The following COL6A6 variants were observed in gnomAD, a reference collection of about 807,000 sequenced individuals.
COL6A6 encodes the protein collagen alpha-6(VI) chain.
COL6A6 carries 183 observed loss-of-function variants against 208.6 expected under a neutral mutation model. The observed-to-expected ratio is 0.88, with a 90% confidence interval of 0.78 to 0.99. COL6A6 has a LOEUF of 0.99. COL6A6 is among the 50% of genes least tolerant of loss of function. The pLI is 0.00. For missense variants in COL6A6, 2,816 were observed against 2,815.2 expected (o/e 1.00, Z -0.01); for synonymous variants, 973 against 1,011.8 (o/e 0.96, Z 0.73).
chr3:130,565,044 A>G lies in COL6A6; in HGVS notation c.712A>G (p.Ile238Val), dbSNP rs763331900. 21 of 1,613,874 alleles carry G rather than the reference A, an allele frequency of 1.3e-5. 1 individual carries two copies. The South Asian group carries it at 2.1e-4, about 16-fold the overall frequency. Residue 238 changes from isoleucine (I) to valine (V), a missense_variant, in exon 4 of 37, where the codon ATC (isoleucine) becomes GTC (valine). Transcript: ENST00000358511. ...TGTTGTGTTCCTATTGGATATGTCA[A>G]TCAATGGAAGTGAGGAGAACTTTGA... is the stretch of plus-strand genomic sequence containing the variant. ...ADVVFLLDMS[I>V]NGSEENFDYL...
At chr3:130,615,006 A>G (rs548828903) in intron 23 of COL6A6, among the ~76,000 whole-genome samples, 1 of 151,902 alleles carries the variant, frequency 6.6e-6, no homozygotes, top group African/African-American at 2.4e-5. Context: ...AGTTTCCTTC[A>G]GTTCAGCTCT....
At chr3:130,611,462 C>G (rs1012727838) in intron 23 of COL6A6, among the ~76,000 whole-genome samples, 2 of 152,308 alleles carry the variant, frequency 1.3e-5, no homozygotes, top group Middle Eastern at 3.4e-3. Flanking sequence ...AGCTGTTTGC[C>G]TGTCTCTCCT....
At chr3:130,619,822 G>A (rs954812489) in intron 23 of COL6A6, among the ~76,000 whole-genome samples, 2 of 152,130 alleles carry the variant, frequency 1.3e-5, no homozygotes, top group Non-Finnish European at 2.9e-5. Context: ...GGTCTCAATG[G>A]TAGTAAAGGG....
chr3:130,661,295 G>A (rs776648977), intron 34 of COL6A6, among the ~76,000 whole-genome samples: 4 of 152,198 alleles, frequency 2.6e-5, no homozygotes, highest in Non-Finnish European at 4.4e-5. Context: ...TCACTGTTAT[G>A]TTGTGATACA....
chr3:130,584,012 T>C (rs529606518), intron 10 of COL6A6, among the ~76,000 whole-genome samples: 108 of 152,202 alleles, frequency 7.1e-4, no homozygotes, highest in Non-Finnish European at 1.3e-3. Context: ...GTAAAACTTA[T>C]GCACATGGAA....
At chr3:130,528,252 A>G (rs2062006411) in intron 1 of COL6A6, among the ~76,000 whole-genome samples, 1 of 152,146 alleles carries the variant, frequency 6.6e-6, no homozygotes, top group African/African-American at 2.4e-5. Flanking sequence ...GTTGCCAGAG[A>G]GGGTGGCAGT....
Position 130,662,196 on chromosome 3 carries a change from G to C in COL6A6, c.6390G>C (p.Glu2130Asp). The change falls in exon 35 of 37, where the codon GAG (glutamate) becomes GAC (aspartate). Residue 2130 changes from glutamate (E) to aspartate (D), a missense_variant. Coordinates refer to ENST00000358511, the MANE Select transcript of COL6A6 (RefSeq NM_001102608.3). ...CTATTTGGGATGACAAGGAACTGGA[G>C]GATCTCGCCAGCCACCCTTTGGATC... ...LGPIWDDKEL[E>D]DLASHPLDHH... 6.2e-7 allele frequency: 1 copy of C among 1,613,964 alleles called. No individual in the cohort carries two copies.
chr3:130,655,293 G>C (rs2065758074), intron 33 of COL6A6, among the ~76,000 whole-genome samples: 1 of 152,140 alleles, frequency 6.6e-6, no homozygotes, highest in Non-Finnish European at 1.5e-5. Flanking sequence ...GAAGAGAATA[G>C]GTTCCAAGAT....
intron 33 of COL6A6, among the ~76,000 whole-genome samples, chr3:130,658,182 A>T (rs779794369): frequency 2.0e-5 from 3 of 152,170 alleles, no homozygotes; most frequent in Non-Finnish European, 2.9e-5. Flanking sequence ...GGTCTCTGAG[A>T]CTTAGGTAGG....
chr3:130,528,902 T>C (rs529591263), intron 1 of COL6A6, among the ~76,000 whole-genome samples: 1 of 152,296 alleles, frequency 6.6e-6, no homozygotes, highest in Non-Finnish European at 1.5e-5. Context: ...CCATCCTGGC[T>C]GACACGTTGC....
intron 36 of COL6A6, among the ~76,000 whole-genome samples, chr3:130,674,776 T>C (rs541812873): frequency 6.6e-6 from 1 of 152,236 alleles, no homozygotes; most frequent in South Asian, 2.1e-4. Context: ...CATAAGGAAG[T>C]TTACAGGTAA....
intron 8 of COL6A6, among the ~76,000 whole-genome samples, chr3:130,578,291 GA>G (rs1159153615): frequency 2.0e-5 from 3 of 152,000 alleles, no homozygotes; most frequent in Non-Finnish European, 4.4e-5. Context: ...AAAATATAAG[GA>G]AAAAAATAGA....
In COL6A6 at chr3:130,649,530, A is replaced by G; in HGVS notation, c.5701A>G (p.Ser1901Gly). 1.9e-6 allele frequency: 3 copies of G among 1,599,440 alleles called. No individual in the cohort carries two copies. The highest frequency in any genetic ancestry group is 2.6e-6 in the Non-Finnish European group (3 of 1,172,390). ...LEIIPVVITF[S>G]NVPSVRRAFA... is the part of the protein sequence containing the mutation. ...AATCATTCCCGTGGTGATCACTTTC[A>G]GCAACGTGCCCTCGGTCAGGCGCGC... Residue 1901 changes from serine to glycine, a missense_variant, in exon 33 of 37, where the codon AGC becomes GGC. By Grantham distance (56) the Ser-to-Gly change is moderately conservative (BLOSUM62 0). Coordinates refer to ENST00000358511, the MANE Select transcript of COL6A6 (RefSeq NM_001102608.3).
intron 20 of COL6A6, among the ~76,000 whole-genome samples, chr3:130,605,462 A>G (rs1268293634): frequency 6.6e-6 from 1 of 151,814 alleles, no homozygotes; most frequent in African/African-American, 2.4e-5. Context: ...GAAAATATCT[A>G]TTGCTATTTG....
Position 130,645,146 on chromosome 3 carries a change from G to A in COL6A6, c.5239+144G>A, listed in dbSNP as rs147631396. The A allele has an allele frequency of 7.1e-5, 55 of 770,354 alleles. No homozygotes were observed. In the East Asian group the frequency reaches 1.2e-3, roughly 16 times the overall value. 47.7% of individuals were successfully genotyped at this position (770,354 alleles called of 1,614,324 possible). ...TTGCTGCTGCCTCATACTGGTAGCAGAGTCTTGCCTCCAATAAATCACTCA... is the reference window on the plus strand; with the variant it reads ...TTGCTGCTGCCTCATACTGGTAGCAAAGTCTTGCCTCCAATAAATCACTCA... On this transcript the variant is annotated intron_variant, in intron 32 of 36. Coordinates refer to ENST00000358511, the MANE Select transcript of COL6A6 (RefSeq NM_001102608.3).
chr3:130,542,564 A>G (rs1312970074), intron 1 of COL6A6, among the ~76,000 whole-genome samples: 1 of 152,144 alleles, frequency 6.6e-6, no homozygotes, highest in Non-Finnish European at 1.5e-5. Flanking sequence ...TGTTGAGTTC[A>G]GCTATGTCCT....
chr3:130,654,230 G>C (rs1242530886), intron 33 of COL6A6, among the ~76,000 whole-genome samples: 2 of 152,124 alleles, frequency 1.3e-5, no homozygotes, highest in African/African-American at 2.4e-5. Flanking sequence ...AGGCTCACTT[G>C]GCTCATCTTT....
At chr3:130,606,700 A>G (rs918185535) in intron 20 of COL6A6, among the ~76,000 whole-genome samples, 3 of 152,212 alleles carry the variant, frequency 2.0e-5, no homozygotes, top group African/African-American at 7.2e-5. Context: ...TCAATTGTCT[A>G]TTATTTCTAT....
intron 1 of COL6A6, among the ~76,000 whole-genome samples, chr3:130,532,227 A>G (rs2062113948): frequency 6.6e-6 from 1 of 152,034 alleles, no homozygotes; most frequent in East Asian, 1.9e-4. Flanking sequence ...CCCTACCCCT[A>G]TTGTCTGTTG....
Sources: allele counts gnomAD v4.1 joint callset (sites outside exome capture counted in the v4.1 genomes callset), GRCh38; gene constraint gnomAD v4.1.1; transcripts MANE v1.5; gene names NCBI Gene and HGNC (gene_info 2026-07-23, HGNC 2026-07-21).